Variants in TMEM179 observed in about 807,000 individuals in gnomAD.
The protein encoded by TMEM179 is transmembrane protein 179A.
In TMEM179, 17 loss-of-function variants were observed where a neutral mutation model predicts 22.2. The observed-to-expected ratio is 0.77, with a 90% confidence interval of 0.52 to 1.15. The LOEUF (loss-of-function observed/expected upper bound fraction) is 1.15, where lower values mean the gene tolerates loss of function less well. Ranked by LOEUF, TMEM179 falls within the 50% of genes most tolerant of loss-of-function variation. The pLI is 0.00. For missense variants in TMEM179, 265 were observed against 313.6 expected (o/e 0.84, Z 1.17); for synonymous variants, 127 against 140.5 (o/e 0.90, Z 0.68).
In TMEM179 at chr14:104,591,139, G is replaced by A. The variant is rs776894388; in HGVS notation, c.*2340C>T. 186 of 336,892 alleles carry A rather than the reference G, an allele frequency of 5.5e-4. 1 individual carries two copies. The highest frequency in any genetic ancestry group is 8.4e-4 in the Non-Finnish European group (144 of 171,614). The allele number at this position is 336,892 out of a possible 1,614,324, so 20.9% of individuals were successfully genotyped here. On this transcript the variant is annotated 3_prime_UTR_variant, in exon 4 of 4. Coordinates refer to ENST00000556573, the MANE Select transcript of TMEM179 (RefSeq NM_001286389.2). ...TCCCAGGGCGATGTGTCTGGGCTCC[G>A]GAGACAGCCCAGTCCAGGGTGGGTC...
intron 3 of TMEM179, chr14:104,594,862 T>G: frequency 7.6e-7 from 1 of 1,317,954 alleles, no homozygotes. Flanking sequence ...CTGGTTTCGT[T>G]TCTGGCACCA....
intron 3 of TMEM179, among the ~76,000 whole-genome samples, chr14:104,593,907 C>T (rs1355170925): frequency 1.3e-5 from 2 of 152,244 alleles, no homozygotes; most frequent in African/African-American, 2.4e-5. Flanking sequence ...GGTGCAAAAG[C>T]CCTGGGCACT....
At chr14:104,598,765 G>A (rs1887134068) in intron 1 of TMEM179, among the ~76,000 whole-genome samples, 1 of 152,198 alleles carries the variant, frequency 6.6e-6, no homozygotes, top group African/African-American at 2.4e-5. Context: ...CTGTTTTGGT[G>A]ACTGCTGGGC....
chr14:104,601,550 C>G (rs376211239), intron 1 of TMEM179, among the ~76,000 whole-genome samples: 2 of 152,150 alleles, frequency 1.3e-5, no homozygotes, highest in Non-Finnish European at 2.9e-5. Flanking sequence ...AGTGCTGACA[C>G]GTTTGACAGA....
intron 2 of TMEM179, 133 bp downstream of exon 2, chr14:104,596,857 A>C: frequency 6.2e-6 from 7 of 1,122,008 alleles, no homozygotes; most frequent in Non-Finnish European, 8.9e-6. Flanking sequence ...AGGCAGGGGC[A>C]CAGTGCACAG....
intron 3 of TMEM179, chr14:104,594,468 C>G (rs1886950808): frequency 8.1e-7 from 1 of 1,231,798 alleles, no homozygotes; most frequent in Non-Finnish European, 1.0e-6. Flanking sequence ...ACCCGGCACC[C>G]CTCATCTGCC....
At chr14:104,596,937 A>G in intron 2 of TMEM179, 53 bp downstream of exon 2, 1 of 1,579,780 alleles carries the variant, frequency 6.3e-7, no homozygotes, top group South Asian at 1.1e-5. Flanking sequence ...GCAGGGTGTC[A>G]AGGGATCTTC....
At position 104,602,533 on chromosome 14, in the gene TMEM179, C is replaced by G. The variant is rs370888467; in HGVS notation, c.305+1904G>C. Among the ~76,000 whole-genome samples the G allele has an allele frequency of 2.6e-5, 4 of 152,374 alleles. No homozygotes were observed. In the East Asian group the frequency reaches 5.8e-4, roughly 22 times the overall value. On this transcript the variant is annotated intron_variant, in intron 1 of 3. Coordinates refer to ENST00000556573, the MANE Select transcript of TMEM179 (RefSeq NM_001286389.2). ...CTGGCTGTCCCACTCCCTCTTCACA[C>G]CTGTCTCATTCAGGGAGGCTTCCAC...
At chr14:104,603,232 G>A (rs963604698) in intron 1 of TMEM179, among the ~76,000 whole-genome samples, 1 of 152,112 alleles carries the variant, frequency 6.6e-6, no homozygotes, top group Non-Finnish European at 1.5e-5. Flanking sequence ...CCCCTCTCTG[G>A]CCCCTCTCTC....
Position 104,598,772 on chromosome 14 carries a change from G to A in TMEM179, c.306-1645C>T, listed in dbSNP as rs4075515. 2.8e-3 allele frequency among the ~76,000 whole-genome samples: 426 copies of A among 152,328 alleles called. 2 individuals are homozygous for A. Among genetic ancestry groups the A allele is most frequent in the East Asian group, 0.024 (124 of 5,182 alleles). On this transcript the variant is annotated intron_variant, in intron 1 of 3. Coordinates refer to ENST00000556573, the MANE Select transcript of TMEM179 (RefSeq NM_001286389.2). ...CGGACACACTGTTTTGGTGACTGCT[G>A]GGCTGACAGCAGAACCACCCCCCAG...
At chr14:104,603,471 C>G (rs890189992) in intron 1 of TMEM179, among the ~76,000 whole-genome samples, 2 of 147,008 alleles carry the variant, frequency 1.4e-5, no homozygotes, top group South Asian at 2.1e-4. Flanking sequence ...CAGGCCTCAG[C>G]CAGGGGAGTG....
rs981307206 is a variant in TMEM179, at chr14:104,597,186, C to T, written c.306-59G>A. ...GACACCACCTCCCAGGCGACCCCCG[C>T]CCCCAGGCTGCAGCCAGAAACAGGA... On this transcript the variant is annotated intron_variant, in intron 1 of 3. Coordinates refer to ENST00000556573, the MANE Select transcript of TMEM179 (RefSeq NM_001286389.2). The surrounding 1 kb of genome is among the most constrained non-coding windows in gnomAD (Gnocchi z 4.8). 2 of 1,518,800 alleles carry T rather than the reference C, an allele frequency of 1.3e-6. No homozygotes were observed. The highest frequency in any genetic ancestry group is 2.8e-5 in the African/African-American group (2 of 72,314). The allele number at this position is 1,518,800 out of a possible 1,614,324, so 94.1% of individuals were successfully genotyped here.
In TMEM179 at chr14:104,595,254, A is replaced by G. The variant is rs1317512531; in HGVS notation, c.444-11T>C. The G allele has an allele frequency of 6.2e-7, 1 of 1,611,874 alleles. No individual in the cohort carries two copies. The highest frequency in any genetic ancestry group is 8.5e-7 in the Non-Finnish European group (1 of 1,179,218). On this transcript the variant is annotated splice_polypyrimidine_tract_variant and intron_variant, in intron 2 of 3. Coordinates refer to ENST00000556573, the MANE Select transcript of TMEM179 (RefSeq NM_001286389.2). This position sits in a 1 kb window ranked among gnomAD's most constrained non-coding sequence, Gnocchi z 5.7. ...TGGAGCTCTTCACAGCTAAAACAGC[A>G]GGACATAGGGTGGAGGGTGACCACC...
Position 104,593,371 on chromosome 14 carries a change from G to T in TMEM179, c.*108C>A. The stretch of plus-strand genomic sequence containing the variant: ...GCGTCGAGGGGACACACGCAGGGCT[G>T]CATGTGGCCAGGGCCCAGGCAGAGC... On this transcript the variant is annotated 3_prime_UTR_variant, in exon 4 of 4. Coordinates refer to ENST00000556573, the MANE Select transcript of TMEM179 (RefSeq NM_001286389.2). 2 of 1,365,338 alleles carry T rather than the reference G, an allele frequency of 1.5e-6. No homozygotes were observed. The highest frequency in any genetic ancestry group is 2.0e-6 in the Non-Finnish European group (2 of 998,358). The allele number at this position is 1,365,338 out of a possible 1,614,324, so 84.6% of individuals were successfully genotyped here.
At position 104,604,772 on chromosome 14, in the gene TMEM179, G is replaced by C. The variant is rs755294631; in HGVS notation, c.-31C>G. The C allele has an allele frequency of 7.0e-7, 1 of 1,433,104 alleles. No homozygotes were observed. Among genetic ancestry groups the C allele is most frequent in the South Asian group, 1.5e-5 (1 of 66,878 alleles). 88.8% of individuals were successfully genotyped at this position (1,433,104 alleles called of 1,614,324 possible). ...GCCCGGGCGAGAGCGGCGGCGGGAA[G>C]GCCGCGGGAGGCTGCGCCGGGCGGG... On this transcript the variant is annotated 5_prime_UTR_variant, in exon 1 of 4. Transcript: ENST00000556573. This position sits in a 1 kb window ranked among gnomAD's most constrained non-coding sequence, Gnocchi z 4.6.
rs557402813 is a variant in TMEM179 at position 104,592,919 on chromosome 14, C to G, written c.*560G>C. ...CAGGCCTCAGAAGCCTCCCTGAGCC[C>G]GGCCACAGGGTCTCCCAGGCCTATG... On this transcript the variant is annotated 3_prime_UTR_variant, in exon 4 of 4. Transcript: ENST00000556573. The G allele has an allele frequency of 6.4e-6, 1 of 156,270 alleles. No individual in the cohort carries two copies. The highest frequency in any genetic ancestry group is 6.2e-5 in the Admixed American group (1 of 16,076). 9.7% of individuals were successfully genotyped at this position (156,270 alleles called of 1,614,324 possible).
Position 104,594,494 on chromosome 14 carries a change from G to A in TMEM179, c.522+671C>T, listed in dbSNP as rs1270136952. 5.7e-6 allele frequency: 7 copies of A among 1,231,596 alleles called. No individual in the cohort carries two copies. In the East Asian group the frequency reaches 9.5e-5, roughly 17 times the overall value. 76.3% of individuals were successfully genotyped at this position (1,231,596 alleles called of 1,614,324 possible). ...CTCATCTGCCTCATCTCCGTCTGGGGCACATCTGCAGATTTCAAGGGGCAA... is the reference window on the plus strand; with the variant it reads ...CTCATCTGCCTCATCTCCGTCTGGGACACATCTGCAGATTTCAAGGGGCAA... On this transcript the variant is annotated intron_variant, in intron 3 of 3. Coordinates refer to ENST00000556573, the MANE Select transcript of TMEM179 (RefSeq NM_001286389.2).
At position 104,595,293 on chromosome 14, in the gene TMEM179, C is replaced by A. The variant is rs138556306; in HGVS notation, c.444-50G>T. On this transcript the variant is annotated intron_variant, in intron 2 of 3. Coordinates refer to ENST00000556573, the MANE Select transcript of TMEM179 (RefSeq NM_001286389.2). The surrounding 1 kb of genome is among the most constrained non-coding windows in gnomAD (Gnocchi z 5.7). ...AGGGTGACCACCAGGACAGCCAGTG[C>A]GGGACATGGCTGAGCCGCTGGCCAG... The A allele has an allele frequency of 2.4e-3, 3,679 of 1,560,340 alleles. 69 individuals carry two copies. In the African/African-American group the frequency reaches 0.041, roughly 18 times the overall value.
chr14:104,595,913 A>C lies in TMEM179; in HGVS notation c.444-670T>G, dbSNP rs1157472865. Among the ~76,000 whole-genome samples, 2 of 152,256 alleles carry C rather than the reference A, an allele frequency of 1.3e-5. No homozygotes were observed. The highest frequency in any genetic ancestry group is 2.9e-5 in the Non-Finnish European group (2 of 68,040). On this transcript the variant is annotated intron_variant, in intron 2 of 3. Coordinates refer to ENST00000556573, the MANE Select transcript of TMEM179 (RefSeq NM_001286389.2). The surrounding 1 kb of genome is among the most constrained non-coding windows in gnomAD (Gnocchi z 5.7). Reference sequence around the variant, plus strand: ...AGAAAGAGGGGGCCCAGCGGCCCCAAATCCCTGGAGGGGCTGAAGGGCTGG... The same window carrying C: ...AGAAAGAGGGGGCCCAGCGGCCCCACATCCCTGGAGGGGCTGAAGGGCTGG...
Sources: gnomAD v4.1 joint callset for allele counts (sites outside exome capture counted in the v4.1 genomes callset) on GRCh38, gnomAD v4.1.1 for gene constraint, Gnocchi (gnomAD v3.1) non-coding constraint, MANE v1.5 for transcripts, NCBI Gene and HGNC (gene_info 2026-07-23, HGNC 2026-07-21) for gene names.